The following HIP1 variants were observed in gnomAD, a reference collection of about 807,000 sequenced individuals.
The protein encoded by HIP1 is huntingtin interacting protein 1.
Under a neutral mutation model 147.6 loss-of-function variants are expected in HIP1, and 65 were observed. That is an observed-to-expected ratio of 0.44 (90% CI 0.36 to 0.54). The LOEUF (loss-of-function observed/expected upper bound fraction) is 0.54, where lower values mean the gene tolerates loss of function less well. HIP1 is among the 20% of genes least tolerant of loss of function. The pLI is 0.00. For missense variants in HIP1, 1,061 were observed against 1,299.6 expected (o/e 0.82, Z 2.82); for synonymous variants, 479 against 504.0 (o/e 0.95, Z 0.67).
rs782689191 is a variant in HIP1, at chr7:75,599,198, T to C, written c.170A>G (p.Glu57Gly). The change falls in exon 2 of 31, where the codon GAA becomes GGA. Residue 57 changes from glutamate (E) to glycine (G), a missense_variant. Physicochemically the swap from Glu to Gly is moderately conservative, Grantham distance 98. Coordinates refer to ENST00000336926, the MANE Select transcript of HIP1 (RefSeq NM_005338.7). ...CAAAAGGATATTTCTGGCGTGTTTT[T>C]CCTTTACAGCCACTTCCTGCGTATT... is the stretch of plus-strand genomic sequence containing the variant. ...AINTQEVAVK[E>G]KHARTCILGT... 1.2e-6 allele frequency: 2 copies of C among 1,613,108 alleles called. No homozygotes were observed. The highest frequency in any genetic ancestry group is 1.7e-6 in the Non-Finnish European group (2 of 1,179,056).
At chr7:75,673,165 G>A (rs370888460) in intron 1 of HIP1, among the ~76,000 whole-genome samples, 6 of 152,028 alleles carry the variant, frequency 3.9e-5, no homozygotes, top group African/African-American at 1.4e-4. Context: ...GGGATTACAG[G>A]TGCCCAACAC....
chr7:75,707,914 T>A (rs1801051719), intron 1 of HIP1, among the ~76,000 whole-genome samples: 1 of 133,284 alleles, frequency 7.5e-6, no homozygotes, highest in African/African-American at 3.0e-5. Context: ...AAGCTGAAAC[T>A]GGATCCCTTC....
intron 8 of HIP1, among the ~76,000 whole-genome samples, chr7:75,571,245 A>G (rs1247110686): frequency 6.6e-6 from 1 of 152,136 alleles, no homozygotes; most frequent in Non-Finnish European, 1.5e-5. Context: ...CATTTTACAA[A>G]AAGGCAGTGG....
At chr7:75,546,878 TG>T (rs1390583213) in intron 25 of HIP1, 60 bp downstream of exon 25, 2 of 1,174,958 alleles carry the variant, frequency 1.7e-6, no homozygotes, top group African/African-American at 1.5e-5. Flanking sequence ...CAGAGTCCGT[TG>T]GAGCGGGAGT....
intron 2 of HIP1, among the ~76,000 whole-genome samples, chr7:75,593,099 GCTGGGGCTATAGGCAT>G (rs1389481426): frequency 2.6e-5 from 4 of 152,234 alleles, no homozygotes; most frequent in Non-Finnish European, 5.9e-5. Context: ...CTCCCAAGTA[GCTGGGGCTATAGGCAT>G]GCACCACTGT....
At chr7:75,611,993 G>A (rs781940399) in intron 1 of HIP1, 29 of 492,230 alleles carry the variant, frequency 5.9e-5, no homozygotes, top group African/African-American at 8.3e-5. Flanking sequence ...CTGGGCCTGG[G>A]CCTGGCCTGT....
chr7:75,718,655 G>C (rs1801395196), intron 1 of HIP1, among the ~76,000 whole-genome samples: 1 of 152,156 alleles, frequency 6.6e-6, no homozygotes, highest in South Asian at 2.1e-4. Context: ...TTCCAGACTG[G>C]ATAGTTCTGT....
At chr7:75,617,010 A>G (rs587718391) in intron 1 of HIP1, among the ~76,000 whole-genome samples, 2 of 151,490 alleles carry the variant, frequency 1.3e-5, no homozygotes, top group East Asian at 3.9e-4. Flanking sequence ...GGCTCAAGCA[A>G]TCCTCCCACC....
intron 2 of HIP1, 140 bp downstream of exon 2, chr7:75,599,044 C>T (rs1024138402): frequency 3.2e-5 from 21 of 650,722 alleles, no homozygotes; most frequent in Admixed American, 1.5e-4. Flanking sequence ...GAGAAGCTGC[C>T]GTCATCAGAA....
chr7:75,651,460 C>CAAAAA lies in HIP1; in HGVS notation c.121-52218_121-52214dup, dbSNP rs1168846001. 5.3e-3 allele frequency among the ~76,000 whole-genome samples: 232 copies of CAAAAA among 44,126 alleles called. 1 individual carries two copies. The highest frequency in any genetic ancestry group is 6.8e-3 in the East Asian group (4 of 592). 28.9% of individuals were successfully genotyped at this position (44,126 alleles called of 152,430 possible). ...GGTTACAGAGTGAGACTCCATATCT[C>CAAAAA]AAAAAAAAAAAAAAAAAAAAAAAAA... On this transcript the variant is annotated intron_variant, in intron 1 of 30. Transcript: ENST00000336926.
chr7:75,605,555 C>T (rs1020268182), intron 1 of HIP1, among the ~76,000 whole-genome samples: 5 of 152,108 alleles, frequency 3.3e-5, no homozygotes, highest in East Asian at 1.9e-4. Context: ...TGTTTTGAGA[C>T]GGAGTCTTGC....
At chr7:75,737,257 G>A (rs1363147980) in intron 1 of HIP1, among the ~76,000 whole-genome samples, 1 of 151,792 alleles carries the variant, frequency 6.6e-6, no homozygotes, top group African/African-American at 2.4e-5. Context: ...AGACAGGGTC[G>A]CACTATGTTG....
intron 16 of HIP1, 129 bp downstream of exon 16, chr7:75,557,525 T>C: frequency 1.4e-6 from 1 of 731,008 alleles, no homozygotes; most frequent in South Asian, 1.5e-5. Context: ...GTGGCCACCA[T>C]GGTGTGCTCC....
In HIP1 at chr7:75,641,457, T is replaced by A. The variant is rs541202322; in HGVS notation, c.121-42210A>T. Among the ~76,000 whole-genome samples, 9 of 150,036 alleles carry A rather than the reference T, an allele frequency of 6.0e-5. 1 individual carries two copies. The South Asian group carries it at 1.7e-3, about 28-fold the overall frequency. On this transcript the variant is annotated intron_variant, in intron 1 of 30. Transcript: ENST00000336926. ...TTTTATTTGTTTTTTCTTTTTTGGT[T>A]TTCTTTTTCTTTCTTTTTTATTTGC... is the stretch of plus-strand genomic sequence containing the variant.
rs1794364426 is a variant in HIP1, at chr7:75,542,482, T to C, written c.2890+369A>G. On this transcript the variant is annotated intron_variant, in intron 28 of 30. Coordinates refer to ENST00000336926, the MANE Select transcript of HIP1 (RefSeq NM_005338.7). The stretch of plus-strand genomic sequence containing the variant: ...GGGAGGCCAAGGTGGGCAGATCACC[T>C]GAGGTGAGGAGTTCGAGACCAGCTT... Among the ~76,000 whole-genome samples, 4 of 152,002 alleles carry C rather than the reference T, an allele frequency of 2.6e-5. No homozygotes were observed. The South Asian group carries it at 8.3e-4, about 32-fold the overall frequency.
intron 1 of HIP1, among the ~76,000 whole-genome samples, chr7:75,708,309 T>A (rs1275362634): frequency 6.6e-6 from 1 of 152,194 alleles, no homozygotes; most frequent in African/African-American, 2.4e-5. Context: ...TTGCCTTTTT[T>A]AATGTTGATA....
rs1466399756 is a variant in HIP1, at chr7:75,667,374, T to C, written c.121-68127A>G. ...AAGCCTCCATTTCCTTATATAAATA[T>C]AGGCATGAAAATAGCAAAACTTGTT... On this transcript the variant is annotated intron_variant, in intron 1 of 30. Coordinates refer to ENST00000336926, the MANE Select transcript of HIP1 (RefSeq NM_005338.7). Among the ~76,000 whole-genome samples, 5 of 152,186 alleles carry C rather than the reference T, an allele frequency of 3.3e-5. No homozygotes were observed. In the East Asian group the frequency reaches 9.6e-4, roughly 29 times the overall value.
At chr7:75,643,500 C>T (rs1480548438) in intron 1 of HIP1, among the ~76,000 whole-genome samples, 1 of 151,962 alleles carries the variant, frequency 6.6e-6, no homozygotes, top group Non-Finnish European at 1.5e-5. Context: ...TTTTTTAAGT[C>T]AGGAAAGGCG....
At chr7:75,557,087 G>A (rs1795039280) in intron 16 of HIP1, among the ~76,000 whole-genome samples, 1 of 151,500 alleles carries the variant, frequency 6.6e-6, no homozygotes, top group Non-Finnish European at 1.5e-5. Context: ...TGCCCAGGCT[G>A]GAGTGCAGTG....
Sources: allele counts gnomAD v4.1 joint callset (sites outside exome capture counted in the v4.1 genomes callset), GRCh38; gene constraint gnomAD v4.1.1; transcripts MANE v1.5; gene names NCBI Gene and HGNC (gene_info 2026-07-23, HGNC 2026-07-21).